KIFAP3: variants seen among roughly 807,000 people sequenced by gnomAD.
KIFAP3 encodes kinesin associated protein 3.
Under a neutral mutation model 106.5 loss-of-function variants are expected in KIFAP3, and 68 were observed. That is an observed-to-expected ratio of 0.64 (90% CI 0.53 to 0.78). The LOEUF is 0.78. Among genes scored for constraint, KIFAP3 ranks in the 30% least tolerant of loss-of-function variants. The probability of loss-of-function intolerance (pLI) is 0.00; values close to 1 mark genes in which losing one functional copy is unlikely to be tolerated. For missense variants in KIFAP3, 780 were observed against 941.8 expected, an observed-to-expected ratio of 0.83 and a Z score of 2.25; for synonymous variants, 320 against 311.5, an observed-to-expected ratio of 1.03 and a Z score of -0.29.
chr1:169,983,859 C>T (rs1044852434), intron 12 of KIFAP3, among the ~76,000 whole-genome samples: 8 of 151,626 alleles, frequency 5.3e-5, no homozygotes, highest in Admixed American at 6.6e-5. Flanking sequence ...CTGTTTGTAA[C>T]GGAAAATAAG....
upstream of KIFAP3, among the ~76,000 whole-genome samples, chr1:170,077,826 C>A (rs919905612): frequency 3.3e-5 from 5 of 151,548 alleles, no homozygotes; most frequent in South Asian, 2.1e-4. Flanking sequence ...CCTTTTGAAT[C>A]TGGTTTCTTT....
intron 10 of KIFAP3, 70 bp from the exon 11 acceptor site, chr1:169,992,325 T>C: frequency 1.6e-6 from 1 of 627,604 alleles, no homozygotes; most frequent in Non-Finnish European, 2.5e-6. Context: ...CATGTTAATG[T>C]ACTACAACTT....
chr1:169,999,331 C>T (rs1281736453), intron 10 of KIFAP3, among the ~76,000 whole-genome samples: 1 of 152,116 alleles, frequency 6.6e-6, no homozygotes, highest in Non-Finnish European at 1.5e-5. Context: ...GCTATGATTC[C>T]TCTACATCCT....
chr1:170,070,754 AT>A (rs1671669071), intron 1 of KIFAP3, among the ~76,000 whole-genome samples: 3 of 152,194 alleles, frequency 2.0e-5, no homozygotes, highest in African/African-American at 7.2e-5. Flanking sequence ...ATGACCTTGG[AT>A]TTAGCAGTGG....
intron 17 of KIFAP3, among the ~76,000 whole-genome samples, chr1:169,963,863 T>G (rs1665467251): frequency 6.6e-6 from 1 of 152,184 alleles, no homozygotes; most frequent in Admixed American, 6.6e-5. Flanking sequence ...AATATTATTT[T>G]TTAAAATTAA....
chr1:169,930,914 CTTTTTTT>C (rs151201224), intron 19 of KIFAP3, among the ~76,000 whole-genome samples: 12 of 100,382 alleles, frequency 1.2e-4, no homozygotes, highest in Admixed American at 3.3e-4. Context: ...ATTATTACTT[CTTTTTTT>C]TTTTTTTTTT....
chr1:169,950,705 G>A (rs1410081113), intron 19 of KIFAP3, among the ~76,000 whole-genome samples: 2 of 151,884 alleles, frequency 1.3e-5, no homozygotes, highest in Admixed American at 1.3e-4. Context: ...TAATTAACTT[G>A]CATTTCTTGA....
rs192494132 is a variant in KIFAP3 at position 170,039,187 on chromosome 1, T to A, written c.375+46A>T. The stretch of plus-strand genomic sequence containing the variant: ...GTATTATTGATGGAAAAAGGCAATA[T>A]CTTATAATCCAGTCCTCTATTAGAT... On this transcript the variant is annotated intron_variant, in intron 4 of 19. Coordinates refer to ENST00000361580, the MANE Select transcript of KIFAP3 (RefSeq NM_014970.4). 1.3e-5 allele frequency: 15 copies of A among 1,131,300 alleles called. 1 individual carries two copies. In the Admixed American group the frequency reaches 3.1e-4, roughly 24 times the overall value. The allele number at this position is 1,131,300 out of a possible 1,614,324, so 70.1% of individuals were successfully genotyped here.
At chr1:170,055,717 A>C (rs934281779) in intron 1 of KIFAP3, among the ~76,000 whole-genome samples, 2 of 152,218 alleles carry the variant, frequency 1.3e-5, no homozygotes, top group Non-Finnish European at 2.9e-5. Context: ...CATTTACCAA[A>C]GAATCATGCA....
At chr1:170,025,999 C>A (rs1024729630) in intron 8 of KIFAP3, among the ~76,000 whole-genome samples, 3 of 152,034 alleles carry the variant, frequency 2.0e-5, no homozygotes, top group African/African-American at 7.3e-5. Context: ...GACCGTGAAT[C>A]CAATGAGTGG....
At chr1:169,947,093 C>G (rs936968983) in intron 19 of KIFAP3, among the ~76,000 whole-genome samples, 3 of 151,760 alleles carry the variant, frequency 2.0e-5, no homozygotes, top group African/African-American at 7.3e-5. Context: ...TGGTTTTACT[C>G]AAAAAATTTT....
intron 19 of KIFAP3, among the ~76,000 whole-genome samples, chr1:169,946,543 T>C (rs1321508373): frequency 6.6e-6 from 1 of 152,218 alleles, no homozygotes; most frequent in South Asian, 2.1e-4. Flanking sequence ...GTGTTGGCTC[T>C]TACCAAGCTT....
Position 169,935,262 on chromosome 1 carries a change from A to G in KIFAP3, c.2274-13481T>C, listed in dbSNP as rs1214772375. ...TTTGAAAAGATGTAAATTTTAAGCT[A>G]CAGTTGCATTTTAAAAATTTACTTG... is the stretch of plus-strand genomic sequence containing the variant. On this transcript the variant is annotated intron_variant, in intron 19 of 19. Coordinates refer to ENST00000361580, the MANE Select transcript of KIFAP3 (RefSeq NM_014970.4). Among the ~76,000 whole-genome samples, 7 of 152,042 alleles carry G rather than the reference A, an allele frequency of 4.6e-5. No individual in the cohort carries two copies. The South Asian group carries it at 1.2e-3, about 27-fold the overall frequency.
chr1:170,066,693 T>C (rs980077031), intron 1 of KIFAP3, among the ~76,000 whole-genome samples: 2 of 152,174 alleles, frequency 1.3e-5, no homozygotes, highest in Admixed American at 6.5e-5. Flanking sequence ...AACTGGATTC[T>C]AGAGTGCACC....
intron 10 of KIFAP3, among the ~76,000 whole-genome samples, chr1:169,994,696 ATATT>A (rs1273295069): frequency 2.6e-5 from 4 of 151,988 alleles, no homozygotes; most frequent in African/African-American, 7.2e-5. Context: ...ATATGAAATA[ATATT>A]TATTTATTTC....
At chr1:169,990,075 T>G in intron 11 of KIFAP3, 1 of 1,466,086 alleles carries the variant, frequency 6.8e-7, no homozygotes, top group Non-Finnish European at 9.1e-7. Context: ...TTTTGTCCAT[T>G]AATTTCAGAC....
At chr1:170,068,558 A>G in intron 1 of KIFAP3, 1 of 151,846 alleles carries the variant, frequency 6.6e-6, no homozygotes, top group Non-Finnish European at 1.5e-5. Flanking sequence ...AGAAAAATAA[A>G]CAGAACCTAA....
At chr1:170,035,383 T>C (rs1355437022) in intron 6 of KIFAP3, 71 bp downstream of exon 6, 6 of 882,818 alleles carry the variant, frequency 6.8e-6, no homozygotes, top group Non-Finnish European at 6.8e-6. Flanking sequence ...GATCTACAAA[T>C]TGAATCAATG....
chr1:170,042,611 TACTA>T (rs1056520287), intron 3 of KIFAP3, among the ~76,000 whole-genome samples: 42 of 152,294 alleles, frequency 2.8e-4, no homozygotes, highest in African/African-American at 9.1e-4. Context: ...AAAGGGGAGG[TACTA>T]ACTGAGGGTT....
Sources: allele counts gnomAD v4.1 joint callset (sites outside exome capture counted in the v4.1 genomes callset), GRCh38; gene constraint gnomAD v4.1.1; transcripts MANE v1.5; gene names NCBI Gene and HGNC (gene_info 2026-07-23, HGNC 2026-07-21).